Variants in BPNT1 observed in about 807,000 individuals in gnomAD.
BPNT1 encodes the protein 3'(2'),5'-bisphosphate nucleotidase 1.
A neutral mutation model predicts 36.9 loss-of-function variants in BPNT1; 28 were observed. The observed-to-expected ratio is 0.76, with a 90% CI of 0.56 to 1.04. The LOEUF is 1.04. Among genes scored for constraint, BPNT1 ranks in the 50% least tolerant of loss-of-function variants. The pLI is 0.00. For missense variants in BPNT1, 313 were observed against 372.9 expected, an observed-to-expected ratio of 0.84 and a Z score of 1.32; for synonymous variants, 119 against 130.9, an observed-to-expected ratio of 0.91 and a Z score of 0.62.
At chr1:220,061,671 T>A (rs1021886737) in intron 7 of BPNT1, among the ~76,000 whole-genome samples, 14 of 151,824 alleles carry the variant, frequency 9.2e-5, no homozygotes, top group African/African-American at 3.1e-4. Flanking sequence ...GTGCCATTAG[T>A]GGGATAGTAA....
In BPNT1 at chr1:220,078,930, T is replaced by C. The variant is rs544374458; in HGVS notation, c.120+797A>G. ...GCTTTAAACTGGAACACAAACATGG[T>C]GGTATTTCTTTTAAGAATTGACTAT... is the stretch of plus-strand genomic sequence containing the variant. On this transcript the variant is annotated intron_variant, in intron 2 of 8. Transcript: ENST00000322067. Among the ~76,000 whole-genome samples, 14 of 152,270 alleles carry C rather than the reference T, an allele frequency of 9.2e-5. No homozygotes were observed. The East Asian group carries it at 1.4e-3, about 15-fold the overall frequency.
chr1:220,079,839 G>A lies in BPNT1; in HGVS notation c.8C>T (p.Ser3Phe). 6.2e-7 allele frequency: 1 copy of A among 1,613,824 alleles called. No individual in the cohort carries two copies. Among genetic ancestry groups the A allele is most frequent in the Non-Finnish European group, 8.5e-7 (1 of 1,179,900 alleles). The change falls in exon 2 of 9, where the codon TCC becomes TTC. Residue 3 changes from serine to phenylalanine, a missense_variant. Ser to Phe is a radical substitution (Grantham distance 155). Transcript: ENST00000322067. ...CAACCGCATCAACACAGTGTTACTGGAAGCCATGGTACACTCTAAAAAGAG... is the reference window on the plus strand; with the variant it reads ...CAACCGCATCAACACAGTGTTACTGAAAGCCATGGTACACTCTAAAAAGAG... Reference protein sequence around the residue: MASSNTVLMRLVA... With the variant: MAFSNTVLMRLVA...
chr1:220,073,300 T>A lies in BPNT1; in HGVS notation c.226-343A>T, dbSNP rs144048303. Among the ~76,000 whole-genome samples, 559 of 152,206 alleles carry A rather than the reference T, an allele frequency of 3.7e-3. 3 individuals carry two copies. Among genetic ancestry groups the A allele is most frequent in the African/African-American group, 0.011 (437 of 41,524 alleles). On this transcript the variant is annotated intron_variant, in intron 3 of 8. Coordinates refer to ENST00000322067, the MANE Select transcript of BPNT1 (RefSeq NM_006085.6). ...TCCCTCACTTTCTTTTTTTATTTTT[T>A]TTTTTTGAGACGGAGTCTTGCTCTG...
At chr1:220,060,271 T>C (rs528817399) in intron 7 of BPNT1, among the ~76,000 whole-genome samples, 1 of 151,952 alleles carries the variant, frequency 6.6e-6, no homozygotes, top group East Asian at 1.9e-4. Flanking sequence ...CAGCCAGGAG[T>C]TTGAGACCAG....
intron 2 of BPNT1, among the ~76,000 whole-genome samples, chr1:220,078,401 TA>T (rs1459065376): frequency 7.0e-6 from 1 of 142,616 alleles, no homozygotes; most frequent in Non-Finnish European, 1.5e-5. Context: ...TAATTATATA[TA>T]AATAATAATT....
At chr1:220,069,512 A>T in intron 4 of BPNT1, 80 bp from the exon 5 acceptor site, 1 of 1,094,554 alleles carries the variant, frequency 9.1e-7, no homozygotes, top group Non-Finnish European at 1.3e-6. Flanking sequence ...GATTAAAATT[A>T]CTCTTTTTTT....
chr1:220,079,793 A>T lies in BPNT1; in HGVS notation c.54T>A (p.Ile18=). The change falls in exon 2 of 9, where the codon ATT becomes ATA. Residue 18 remains isoleucine (I), a synonymous_variant. Coordinates refer to ENST00000322067, the MANE Select transcript of BPNT1 (RefSeq NM_006085.6). ...TGACTATCATTCCTGCCTTTTGAGC[A>T]ATAGAATATGCGGAGGCTACCAACC... is the stretch of plus-strand genomic sequence containing the variant. ...LMRLVASAYS[I]AQKAGMIVRR... is the part of the protein sequence containing the mutation. The T allele has an allele frequency of 1.2e-6, 2 of 1,614,146 alleles. No individual in the cohort carries two copies. Among genetic ancestry groups the T allele is most frequent in the Non-Finnish European group, 1.7e-6 (2 of 1,179,992 alleles).
intron 1 of BPNT1, among the ~76,000 whole-genome samples, chr1:220,088,719 G>A (rs568586171): frequency 5.6e-4 from 84 of 151,058 alleles, no homozygotes; most frequent in East Asian, 1.4e-3. Context: ...GACCCTGGGA[G>A]GTCAAGGTTG....
chr1:220,069,055 T>C (rs1306813090), intron 5 of BPNT1, among the ~76,000 whole-genome samples: 1 of 152,144 alleles, frequency 6.6e-6, no homozygotes, highest in Non-Finnish European at 1.5e-5. Context: ...TACACAGTTG[T>C]ACTCGTTATC....
intron 5 of BPNT1, among the ~76,000 whole-genome samples, chr1:220,068,312 T>C (rs1490149145): frequency 6.6e-6 from 1 of 151,944 alleles, no homozygotes; most frequent in Non-Finnish European, 1.5e-5. Flanking sequence ...GCCCCACAAG[T>C]AGCTGGGATT....
chr1:220,088,392 A>G (rs560706497), intron 1 of BPNT1, among the ~76,000 whole-genome samples: 1 of 151,498 alleles, frequency 6.6e-6, no homozygotes, highest in Admixed American at 6.6e-5. Context: ...CTGAGGCAGG[A>G]AAATTGCTTG....
At chr1:220,067,199 T>G (rs1663614243) in intron 6 of BPNT1, 103 bp downstream of exon 6, 2 of 466,406 alleles carry the variant, frequency 4.3e-6, no homozygotes, top group Middle Eastern at 6.7e-4. Flanking sequence ...GATGATTGCA[T>G]ATGCAACCAA....
At chr1:220,076,156 C>G (rs1353383392) in intron 2 of BPNT1, among the ~76,000 whole-genome samples, 3 of 152,032 alleles carry the variant, frequency 2.0e-5, no homozygotes, top group African/African-American at 7.2e-5. Context: ...ATCACAAGGT[C>G]AGGAGTTCGA....
In BPNT1 at chr1:220,075,741, G is replaced by A. The variant is rs1245998134; in HGVS notation, c.121-1670C>T. ...AGACATCATCATTGGAACCTTGTGT[G>A]ATAAACTGATTTTGCTGTTTTTTTA... On this transcript the variant is annotated intron_variant, in intron 2 of 8. Transcript: ENST00000322067. 2.0e-5 allele frequency among the ~76,000 whole-genome samples: 3 copies of A among 152,168 alleles called. No individual in the cohort carries two copies. The East Asian group carries it at 5.8e-4, about 29-fold the overall frequency.
intron 2 of BPNT1, among the ~76,000 whole-genome samples, 193 bp downstream of exon 2, chr1:220,079,534 G>A (rs887917132): frequency 6.6e-6 from 1 of 152,092 alleles, no homozygotes; most frequent in Non-Finnish European, 1.5e-5. Flanking sequence ...TTACAGGCAT[G>A]AGCCACCACG....
intron 1 of BPNT1, among the ~76,000 whole-genome samples, chr1:220,083,606 C>T (rs563789976): frequency 1.3e-5 from 2 of 152,142 alleles, no homozygotes; most frequent in South Asian, 2.1e-4. Context: ...CCACCGCGCC[C>T]GGCCAATAAA....
intron 4 of BPNT1, among the ~76,000 whole-genome samples, chr1:220,071,870 A>C (rs1282413410): frequency 1.3e-5 from 2 of 151,620 alleles, no homozygotes; most frequent in African/African-American, 2.4e-5. Context: ...TATTTTTAGA[A>C]GAGACGGGGA....
rs1373113602 is a variant in BPNT1, at chr1:220,078,005, C to T, written c.120+1722G>A. On this transcript the variant is annotated intron_variant, in intron 2 of 8. Coordinates refer to ENST00000322067, the MANE Select transcript of BPNT1 (RefSeq NM_006085.6). Reference sequence around the variant, plus strand: ...CAGCCTGGGCAATATACTGAAACCCCATCTCCACAAAATAAAAACATTAGC... The same window carrying T: ...CAGCCTGGGCAATATACTGAAACCCTATCTCCACAAAATAAAAACATTAGC... Among the ~76,000 whole-genome samples the T allele has an allele frequency of 2.0e-5, 3 of 151,604 alleles. No homozygotes were observed. The East Asian group carries it at 5.8e-4, about 29-fold the overall frequency.
intron 1 of BPNT1, among the ~76,000 whole-genome samples, chr1:220,087,780 C>G (rs191452073): frequency 2.2e-4 from 33 of 152,142 alleles, no homozygotes; most frequent in African/African-American, 7.0e-4. Context: ...GAGAAAAGCA[C>G]TGGCCATTAA....
Sources: allele counts gnomAD v4.1 joint callset (sites outside exome capture counted in the v4.1 genomes callset), GRCh38; gene constraint gnomAD v4.1.1; transcripts MANE v1.5; gene names NCBI Gene and HGNC (gene_info 2026-07-23, HGNC 2026-07-21).